ADPRHL1: variants seen among roughly 807,000 people sequenced by gnomAD.
ADPRHL1 encodes ADP-ribosylhydrolase like 1, also known as inactive ADP-ribosyltransferase ARH2.
Under a neutral mutation model 44.1 loss-of-function variants are expected in ADPRHL1, and 43 were observed. The observed-to-expected ratio is 0.98, with a 90% CI of 0.76 to 1.26. ADPRHL1 has a LOEUF of 1.26. ADPRHL1 is among the 50% of genes most tolerant of loss of function. The pLI is 0.00. For missense variants in ADPRHL1, 2,022 were observed against 2,496.9 expected (o/e 0.81, Z 4.05); for synonymous variants, 878 against 1,017.4 (o/e 0.86, Z 2.61).
rs572967817 is a variant in ADPRHL1 at position 113,424,621 on chromosome 13, A to G, written c.775-272T>C. Among the ~76,000 whole-genome samples the G allele has an allele frequency of 4.9e-4, 72 of 146,920 alleles. 1 individual carries two copies. Among genetic ancestry groups the G allele is most frequent in the Non-Finnish European group, 2.1e-4 (14 of 66,390 alleles). The stretch of plus-strand genomic sequence containing the variant: ...AGGCGTACACCAGCACACGTGGCTA[A>G]TTTTTTGTATTTTTAGTAGAGATGG... On this transcript the variant is annotated intron_variant, in intron 5 of 7. Coordinates refer to ENST00000612156, the MANE Select transcript of ADPRHL1 (RefSeq NM_001394807.1).
chr13:113,412,753 G>A (rs1211515221), intron 7 of ADPRHL1, among the ~76,000 whole-genome samples: 2 of 147,740 alleles, frequency 1.4e-5, no homozygotes, highest in East Asian at 2.0e-4. Flanking sequence ...CGCGGAGCTC[G>A]GTTCACCCAC....
In ADPRHL1 at chr13:113,405,403, G is replaced by C. The variant is rs1301105984; in HGVS notation, c.3879C>G (p.Asn1293Lys). 2 of 1,231,850 alleles carry C rather than the reference G, an allele frequency of 1.6e-6. No homozygotes were observed. Among genetic ancestry groups the C allele is most frequent in the African/African-American group, 3.1e-5 (2 of 64,428 alleles). 76.3% of individuals were successfully genotyped at this position (1,231,850 alleles called of 1,614,324 possible). ...CGCCCTCCCTGCCCTTTGCCTGTGG[G>C]TTCTCAGGAGGCGACGGCGGGAGGC... Reference protein sequence around the residue: ...GPGLPPSPPENPQAKGREGVR... With the variant: ...GPGLPPSPPEKPQAKGREGVR... The change falls in exon 8 of 8, where the codon AAC becomes AAG. Residue 1293 changes from asparagine (N) to lysine (K), a missense_variant. Asn to Lys is a moderately conservative substitution (Grantham distance 94). Transcript: ENST00000612156.
rs2043980601 is a variant in ADPRHL1, at chr13:113,428,197, T to C, written c.646+755A>G. ...AGGCAGAGGTTGCAGTGAGCTGAGA[T>C]TGCATCATTGCACTCCAGCCTGGGT... On this transcript the variant is annotated intron_variant, in intron 4 of 7. Transcript: ENST00000612156. 3.4e-5 allele frequency among the ~76,000 whole-genome samples: 5 copies of C among 145,886 alleles called. 1 individual carries two copies. In the South Asian group the frequency reaches 1.1e-3, roughly 31 times the overall value.
intron 2 of ADPRHL1, among the ~76,000 whole-genome samples, chr13:113,435,075 G>C (rs2044040463): frequency 7.1e-6 from 1 of 140,922 alleles, no homozygotes; most frequent in Non-Finnish European, 1.5e-5. Flanking sequence ...GGTGTAGAGT[G>C]AACATAGGTG....
At chr13:113,431,884 T>G (rs1463003670) in intron 3 of ADPRHL1, among the ~76,000 whole-genome samples, 2 of 151,980 alleles carry the variant, frequency 1.3e-5, no homozygotes, top group African/African-American at 4.8e-5. Context: ...CCCAGCTAAT[T>G]TTTGTATTTT....
chr13:113,399,792 T>C lies in ADPRHL1; in HGVS notation c.*3586A>G, dbSNP rs146355582. 6.6e-6 allele frequency: 1 copy of C among 152,088 alleles called. No individual in the cohort carries two copies. Among genetic ancestry groups the C allele is most frequent in the East Asian group, 1.9e-4 (1 of 5,188 alleles). 9.4% of individuals were successfully genotyped at this position (152,088 alleles called of 1,614,324 possible). A position where few individuals can be genotyped will look rare whatever the true frequency, so the allele number is the denominator to read the frequency against. Reference sequence around the variant, plus strand: ...AATTTAATAAATAGCTGTAGCCTAATACACAACCGAAAGACCGTAACTCCA... The same window carrying C: ...AATTTAATAAATAGCTGTAGCCTAACACACAACCGAAAGACCGTAACTCCA... On this transcript the variant is annotated 3_prime_UTR_variant, in exon 8 of 8. Transcript: ENST00000612156.
intron 4 of ADPRHL1, among the ~76,000 whole-genome samples, chr13:113,425,414 T>C (rs2043961154): frequency 1.3e-5 from 2 of 152,218 alleles, no homozygotes; most frequent in South Asian, 4.1e-4. Context: ...TTCTTTCTTT[T>C]TTTCCTGAGA....
chr13:113,408,124 G>C lies in ADPRHL1; in HGVS notation c.1158C>G (p.His386Gln), dbSNP rs562899452. The C allele has an allele frequency of 1.2e-4, 146 of 1,231,928 alleles. 1 individual carries two copies. The highest frequency in any genetic ancestry group is 2.2e-5 in the Non-Finnish European group (22 of 987,992). 76.3% of individuals were successfully genotyped at this position (1,231,928 alleles called of 1,614,324 possible). A position where few individuals can be genotyped will look rare whatever the true frequency, so the allele number is the denominator to read the frequency against. Residue 386 changes from histidine (H) to glutamine (Q), a missense_variant, in exon 8 of 8, where the codon CAC becomes CAG. Coordinates refer to ENST00000612156, the MANE Select transcript of ADPRHL1 (RefSeq NM_001394807.1). ...AGAGCAGCAGGCTGCTGAGGATGGA[G>C]TGGGCGGCCGGGTCACAGGCCAGCT... ...MGKLACDPAA[H>Q]SILSSLLLYV...
chr13:113,401,853 G>A lies in ADPRHL1; in HGVS notation c.*1525C>T, dbSNP rs9324238. The A allele has an allele frequency of 0.12, 18,171 of 152,320 alleles. 1,456 individuals carry two copies. Among genetic ancestry groups the A allele is most frequent in the African/African-American group, 0.22 (9,203 of 41,560 alleles). The allele number at this position is 152,320 out of a possible 1,614,324, so 9.4% of individuals were successfully genotyped here. ...AGAGCCAAAGCCACTGGCGTCTGCC[G>A]GGATGGACCTTCCCTGGAAGGAGAG... is the stretch of plus-strand genomic sequence containing the variant. On this transcript the variant is annotated 3_prime_UTR_variant, in exon 8 of 8. Coordinates refer to ENST00000612156, the MANE Select transcript of ADPRHL1 (RefSeq NM_001394807.1). The surrounding 1 kb of genome is among the most constrained non-coding windows in gnomAD (Gnocchi z 5.5).
At position 113,444,433 on chromosome 13, in the gene ADPRHL1, T is replaced by C. The variant is rs1295333564; in HGVS notation, c.371A>G (p.Asn124Ser). Residue 124 changes from asparagine (N) to serine (S), a missense_variant, in exon 2 of 8, where the codon AAT (asparagine) becomes AGT (serine). Asn to Ser is a conservative substitution (Grantham distance 46). This residue lies in a region of ADPRHL1 where 437 missense variants were observed against 430.7 expected (regional missense o/e 1.01). Transcript: ENST00000612156. Reference protein sequence around the residue: ...NYLLAWHTPFNEKGSGFGAAT... With the variant: ...NYLLAWHTPFSEKGSGFGAAT... ...GAGAGGATTTCCCTGACCTTTTTCATTGAACGGTGTGTGCCAGGCGAGAAG... is the reference window on the plus strand; with the variant it reads ...GAGAGGATTTCCCTGACCTTTTTCACTGAACGGTGTGTGCCAGGCGAGAAG... The C allele has an allele frequency of 7.4e-6, 12 of 1,613,936 alleles. No individual in the cohort carries two copies. The highest frequency in any genetic ancestry group is 1.0e-5 in the Non-Finnish European group (12 of 1,179,796).
intron 5 of ADPRHL1, 113 bp downstream of exon 5, chr13:113,424,931 TATCCATCC>T: frequency 8.2e-7 from 1 of 1,212,732 alleles, no homozygotes; most frequent in Non-Finnish European, 1.1e-6. Context: ...AAAATCCATC[TATCCATCC>T]ATCTATCCAT....
rs764580537 is a variant in ADPRHL1 at position 113,441,776 on chromosome 13, G to C, written c.379+2649C>G. 4.0e-5 allele frequency among the ~76,000 whole-genome samples: 6 copies of C among 151,728 alleles called. No individual in the cohort carries two copies. Among genetic ancestry groups the C allele is most frequent in the Admixed American group, 1.3e-4 (2 of 15,234 alleles). ...TGTCTCTATCATGCTCCGCCCCGCCGTGTGGGTCTGTGTCTCTATCACGCT... is the reference window on the plus strand; with the variant it reads ...TGTCTCTATCATGCTCCGCCCCGCCCTGTGGGTCTGTGTCTCTATCACGCT... On this transcript the variant is annotated intron_variant, in intron 2 of 7. Transcript: ENST00000612156. This position sits in a 1 kb window ranked among gnomAD's most constrained non-coding sequence, Gnocchi z 6.0.
intron 1 of ADPRHL1, among the ~76,000 whole-genome samples, chr13:113,448,401 G>T (rs1429582244): frequency 6.9e-6 from 1 of 144,200 alleles, no homozygotes; most frequent in African/African-American, 2.6e-5. Flanking sequence ...AGGAGGTGGA[G>T]GTTGCAGTGA....
At chr13:113,451,363 G>A (rs1162696186) in intron 1 of ADPRHL1, among the ~76,000 whole-genome samples, 1 of 152,094 alleles carries the variant, frequency 6.6e-6, no homozygotes, top group African/African-American at 2.4e-5. Context: ...CTCAGTGCCT[G>A]GGTGGCTTGC....
At chr13:113,449,850 G>A (rs2044167603) in intron 1 of ADPRHL1, among the ~76,000 whole-genome samples, 1 of 152,216 alleles carries the variant, frequency 6.6e-6, no homozygotes, top group Non-Finnish European at 1.5e-5. Flanking sequence ...CAGCAGTCAG[G>A]GAGGATGCTT....
At chr13:113,427,134 A>G (rs2043973655) in intron 4 of ADPRHL1, among the ~76,000 whole-genome samples, 1 of 152,218 alleles carries the variant, frequency 6.6e-6, no homozygotes, top group Admixed American at 6.5e-5. Context: ...AAGCTTTCTG[A>G]AGAACAGTCA....
intron 2 of ADPRHL1, among the ~76,000 whole-genome samples, chr13:113,436,352 G>T (rs1461973210): frequency 8.0e-6 from 1 of 124,832 alleles, no homozygotes; most frequent in Non-Finnish European, 1.7e-5. Flanking sequence ...GGTGTACCCC[G>T]GGACCCAGCA....
In ADPRHL1 at chr13:113,453,200, C is replaced by G; in HGVS notation, c.214+24G>C. 6.2e-7 allele frequency: 1 copy of G among 1,613,196 alleles called. No individual in the cohort carries two copies. The highest frequency in any genetic ancestry group is 8.5e-7 in the Non-Finnish European group (1 of 1,179,576). The stretch of plus-strand genomic sequence containing the variant: ...CCAGTGTTCCCTCCAGCCCGCACAC[C>G]GGAGCGCGGTGGGCCCAGCCTACCT... On this transcript the variant is annotated intron_variant, in intron 1 of 7. Transcript: ENST00000612156. The surrounding 1 kb of genome is among the most constrained non-coding windows in gnomAD (Gnocchi z 5.4).
At chr13:113,415,770 A>AAAAAAAAAAAAAAG (rs1555325970) in intron 7 of ADPRHL1, among the ~76,000 whole-genome samples, 3 of 132,892 alleles carry the variant, frequency 2.3e-5, no homozygotes, top group African/African-American at 6.2e-5. Context: ...AAAAAAAAAA[A>AAAAAAAAAAAAAAG]AGAGAGAGAG....
Sources: allele counts gnomAD v4.1 joint callset (sites outside exome capture counted in the v4.1 genomes callset), GRCh38; gene constraint gnomAD v4.1.1; regional missense constraint gnomAD v4.1.1; non-coding constraint Gnocchi (gnomAD v3.1); transcripts MANE v1.5; gene names NCBI Gene and HGNC (gene_info 2026-07-23, HGNC 2026-07-21).